Variants in CCDC122 observed in about 807,000 individuals in gnomAD.
The protein encoded by CCDC122 is coiled-coil domain containing 122.
A neutral mutation model predicts 37.0 loss-of-function variants in CCDC122; 38 were observed. The observed-to-expected ratio is 1.03, with a 90% confidence interval of 0.79 to 1.35. The LOEUF is 1.35. CCDC122 is among the 40% of genes most tolerant of loss of function. The pLI is 0.00. For synonymous variants in CCDC122, 83 were observed against 95.6 expected (o/e 0.87, Z 0.77); for missense variants, 305 against 310.0 (o/e 0.98, Z 0.12).
intron 6 of CCDC122, among the ~76,000 whole-genome samples, chr13:43,839,331 T>C (rs11842000): frequency 0.13 from 19,557 of 152,288 alleles, 1,657 homozygotes; most frequent in Middle Eastern, 0.2. Context: ...TTTATATAAA[T>C]GGAATTGTAC....
In CCDC122 at chr13:43,869,368, G is replaced by GTT; in HGVS notation, c.8_9insAA (p.Asp3GlufsTer22). On this transcript the variant is annotated frameshift_variant, in exon 3 of 7. Transcript: ENST00000444614. LOFTEE classifies it high-confidence loss of function. ...ATCCTTGACTCTTCCTTTCTTTGTT[G>GTT]TCTGACATTTTCTGTGTCTGTAATC... 6.2e-7 allele frequency: 1 copy of GTT among 1,606,186 alleles called. No homozygotes were observed. Among genetic ancestry groups the GTT allele is most frequent in the South Asian group, 1.1e-5 (1 of 90,278 alleles).
chr13:43,862,073 T>C (rs1198822546), intron 4 of CCDC122, among the ~76,000 whole-genome samples: 1 of 152,182 alleles, frequency 6.6e-6, no homozygotes, highest in Non-Finnish European at 1.5e-5. Flanking sequence ...AACTAGTCTG[T>C]GTATATCAGG....
At chr13:43,831,719 G>A (rs1953091566), downstream of CCDC122, among the ~76,000 whole-genome samples, 1 of 152,128 alleles carries the variant, frequency 6.6e-6, no homozygotes, top group African/African-American at 2.4e-5. Context: ...TTATGCCAGA[G>A]AGCTTTATGG....
downstream of CCDC122, among the ~76,000 whole-genome samples, chr13:43,832,608 T>A (rs1484897245): frequency 6.6e-6 from 1 of 152,188 alleles, no homozygotes; most frequent in East Asian, 1.9e-4. Context: ...TACTTTTAAT[T>A]ACAAAATTTC....
At chr13:43,870,680 A>G (rs9567292) in intron 2 of CCDC122, among the ~76,000 whole-genome samples, 57,009 of 151,820 alleles carry the variant, frequency 0.38, 10,969 homozygotes, top group East Asian at 0.53. Flanking sequence ...TTAACCCTAT[A>G]AGGTAGATAT....
At chr13:43,873,396 T>C (rs1954506564) in intron 2 of CCDC122, among the ~76,000 whole-genome samples, 1 of 152,174 alleles carries the variant, frequency 6.6e-6, no homozygotes, top group Non-Finnish European at 1.5e-5. Flanking sequence ...CCATTAAACC[T>C]GCACCTTCAT....
downstream of CCDC122, among the ~76,000 whole-genome samples, chr13:43,834,739 G>A (rs1461828157): frequency 6.6e-6 from 1 of 151,818 alleles, no homozygotes; most frequent in Non-Finnish European, 1.5e-5. Context: ...TCAGAGAAAT[G>A]CAAATCAAAA....
chr13:43,852,369 C>T (rs569062904), intron 6 of CCDC122, among the ~76,000 whole-genome samples: 3 of 151,770 alleles, frequency 2.0e-5, no homozygotes, highest in Admixed American at 1.3e-4. Context: ...ATAGACCAAG[C>T]AGAGGAAAGA....
chr13:43,843,059 T>C (rs151051955), intron 6 of CCDC122, among the ~76,000 whole-genome samples: 1 of 152,194 alleles, frequency 6.6e-6, no homozygotes, highest in African/African-American at 2.4e-5. Flanking sequence ...TAATGATGCA[T>C]AAAGAAGGTG....
At position 43,837,245 on chromosome 13, in the gene CCDC122, T is replaced by A; in HGVS notation, c.*35A>T. On this transcript the variant is annotated 3_prime_UTR_variant, in exon 7 of 7. Coordinates refer to ENST00000444614, the MANE Select transcript of CCDC122 (RefSeq NM_144974.5). Reference sequence around the variant, plus strand: ...ATGTTCTGTCCAGTAATTTTTGTTGTCATGGTCTGTGTTCCACATTGCCCT... The same window carrying A: ...ATGTTCTGTCCAGTAATTTTTGTTGACATGGTCTGTGTTCCACATTGCCCT... The A allele has an allele frequency of 6.3e-7, 1 of 1,588,022 alleles. No homozygotes were observed.
At position 43,824,280 on chromosome 13, in the gene CCDC122, TA is replaced by T. The variant is rs561440329; in HGVS notation, n.602-270del. On this transcript the variant is annotated intron_variant and non_coding_transcript_variant, in intron 3 of 3. Coordinates refer to the CCDC122 transcript ENST00000470137. ...ATCTTTTTGTTTTCTTCAACTTTCA[TA>T]GGACAATGTGAAGGAAGAGTATATG... Among the ~76,000 whole-genome samples the T allele has an allele frequency of 3.0e-4, 45 of 152,274 alleles. No homozygotes were observed. The East Asian group carries it at 8.7e-3, about 29-fold the overall frequency.
At chr13:43,829,821 C>A (rs1233935194) in intron 3 of CCDC122, among the ~76,000 whole-genome samples, 1 of 152,140 alleles carries the variant, frequency 6.6e-6, no homozygotes, top group Non-Finnish European at 1.5e-5. Flanking sequence ...TGTGTGACCT[C>A]AACATAGTTG....
At chr13:43,844,354 T>C (rs1284148512) in intron 6 of CCDC122, among the ~76,000 whole-genome samples, 1 of 152,046 alleles carries the variant, frequency 6.6e-6, no homozygotes, top group East Asian at 1.9e-4. Context: ...ATCTCATTGT[T>C]ATTGATTTCT....
intron 3 of CCDC122, among the ~76,000 whole-genome samples, chr13:43,828,810 T>C (rs1441880847): frequency 6.6e-6 from 1 of 152,186 alleles, no homozygotes; most frequent in Non-Finnish European, 1.5e-5. Flanking sequence ...TAAAAGTTGA[T>C]ATTCAAGTTT....
At position 43,859,724 on chromosome 13, in the gene CCDC122, T is replaced by C; in HGVS notation, c.503A>G (p.Glu168Gly). ...FVKKLKTMKE[E>G]LMQDLQNPGG... ...TGGATTTTGAAGATCTTGCATAAGT[T>C]CTTCTTTCATTGTCTTTAATTTTTT... is the stretch of plus-strand genomic sequence containing the variant. The change falls in exon 5 of 7, where the codon GAA becomes GGA. Residue 168 changes from glutamate (E) to glycine (G), a missense_variant. By Grantham distance (98) the Glu-to-Gly change is moderately conservative (BLOSUM62 -2). Transcript: ENST00000444614. The C allele has an allele frequency of 1.9e-6, 3 of 1,589,944 alleles. No individual in the cohort carries two copies. Among genetic ancestry groups the C allele is most frequent in the Non-Finnish European group, 2.6e-6 (3 of 1,172,882 alleles).
chr13:43,824,430 G>T (rs1380637054), intron 3 of CCDC122, among the ~76,000 whole-genome samples: 1 of 152,176 alleles, frequency 6.6e-6, no homozygotes, highest in Non-Finnish European at 1.5e-5. Context: ...AAACTTAAAT[G>T]TAAGACCTCA....
intron 4 of CCDC122, among the ~76,000 whole-genome samples, chr13:43,865,114 G>T (rs998427177): frequency 2.6e-5 from 4 of 152,094 alleles, no homozygotes; most frequent in African/African-American, 9.7e-5. Flanking sequence ...CTTCCATTTG[G>T]CTATTCCTGA....
chr13:43,832,381 G>A (rs867667982), downstream of CCDC122, among the ~76,000 whole-genome samples: 1 of 152,090 alleles, frequency 6.6e-6, no homozygotes, highest in Non-Finnish European at 1.5e-5. Context: ...AATCACTATA[G>A]TATTCACATA....
intron 5 of CCDC122, among the ~76,000 whole-genome samples, 180 bp from the exon 6 acceptor site, chr13:43,859,077 C>T (rs1019587473): frequency 6.6e-6 from 1 of 151,962 alleles, no homozygotes; most frequent in Non-Finnish European, 1.5e-5. Flanking sequence ...TCAAAGAAAC[C>T]TTACATTTGA....
Sources: gnomAD v4.1 joint callset for allele counts (sites outside exome capture counted in the v4.1 genomes callset) on GRCh38, gnomAD v4.1.1 for gene constraint, MANE v1.5 for transcripts, NCBI Gene and HGNC (gene_info 2026-07-23, HGNC 2026-07-21) for gene names.